Variants in EHBP1 observed in about 807,000 individuals in gnomAD.
The protein encoded by EHBP1 is EH domain binding protein 1.
A neutral mutation model predicts 144.0 loss-of-function variants in EHBP1; 55 were observed. The observed-to-expected ratio is 0.38, with a 90% CI of 0.31 to 0.48. The LOEUF (loss-of-function observed/expected upper bound fraction) is 0.48, where lower values mean the gene tolerates loss of function less well. Among genes scored for constraint, EHBP1 ranks in the 20% least tolerant of loss-of-function variants. The pLI is 0.98. For synonymous variants in EHBP1, 469 were observed against 472.7 expected (o/e 0.99, Z 0.10); for missense variants, 1,200 against 1,364.2 (o/e 0.88, Z 1.90).
At chr2:62,809,399 G>C (rs910075926) in intron 5 of EHBP1, among the ~76,000 whole-genome samples, 1 of 149,502 alleles carries the variant, frequency 6.7e-6, no homozygotes, top group African/African-American at 2.5e-5. Context: ...ATTTTCTACT[G>C]TGGTTACTGT....
At chr2:62,955,732 T>A in intron 14 of EHBP1, 72 bp downstream of exon 14, 1 of 1,506,964 alleles carries the variant, frequency 6.6e-7, no homozygotes, top group Non-Finnish European at 9.0e-7. Flanking sequence ...GTAATTTGCT[T>A]GTATTTCTGC....
At chr2:62,788,902 G>T (rs1189920901) in intron 5 of EHBP1, among the ~76,000 whole-genome samples, 1 of 152,194 alleles carries the variant, frequency 6.6e-6, no homozygotes, top group Non-Finnish European at 1.5e-5. Flanking sequence ...GAATAATTCT[G>T]TGTTACCATA....
At chr2:62,772,782 A>G (rs1253497662) in intron 5 of EHBP1, among the ~76,000 whole-genome samples, 2 of 152,270 alleles carry the variant, frequency 1.3e-5, no homozygotes, top group East Asian at 3.8e-4. Context: ...TAACAGGCTT[A>G]TCACATGCTT....
intron 10 of EHBP1, among the ~76,000 whole-genome samples, chr2:62,903,404 A>T (rs1025648255): frequency 6.6e-6 from 1 of 152,218 alleles, no homozygotes. Context: ...AGATTGTAAT[A>T]AAGGTTTTAA....
chr2:62,823,392 G>T (rs527421495), intron 5 of EHBP1, among the ~76,000 whole-genome samples: 1 of 151,690 alleles, frequency 6.6e-6, no homozygotes, highest in South Asian at 2.1e-4. Context: ...TCTCATTCTT[G>T]TTCTTTTGTC....
chr2:62,848,245 A>AT (rs1005062688), intron 7 of EHBP1, among the ~76,000 whole-genome samples: 10 of 150,412 alleles, frequency 6.6e-5, no homozygotes, highest in South Asian at 2.1e-4. Context: ...TGCCCAGCTA[A>AT]TTTTTTTTTG....
At chr2:62,977,210 C>G (rs189811093) in intron 14 of EHBP1, among the ~76,000 whole-genome samples, 1 of 151,774 alleles carries the variant, frequency 6.6e-6, no homozygotes, top group Non-Finnish European at 1.5e-5. Context: ...AAACAAAGCC[C>G]GGCAGTGGTC....
intron 2 of EHBP1, among the ~76,000 whole-genome samples, chr2:62,733,347 G>A (rs1052687086): frequency 1.3e-5 from 2 of 152,046 alleles, no homozygotes; most frequent in East Asian, 1.9e-4. Flanking sequence ...CTGTTGTCTT[G>A]TAGTTTCTCT....
chr2:62,889,362 A>G (rs189441363), intron 10 of EHBP1, among the ~76,000 whole-genome samples: 10 of 151,334 alleles, frequency 6.6e-5, no homozygotes, highest in Admixed American at 4.6e-4. Context: ...TGTTTACTCT[A>G]TTGATAGTTT....
chr2:62,900,896 A>G (rs1425512667), intron 10 of EHBP1, among the ~76,000 whole-genome samples: 1 of 152,098 alleles, frequency 6.6e-6, no homozygotes, highest in African/African-American at 2.4e-5. Context: ...ATTATTTTTT[A>G]TTATGAAGCA....
chr2:63,044,353 T>C (rs1187021127), intron 21 of EHBP1: 3 of 151,076 alleles, frequency 2.0e-5, no homozygotes, highest in African/African-American at 7.3e-5. Context: ...GAAAGAAATA[T>C]GTAATTTTTC....
intron 6 of EHBP1, among the ~76,000 whole-genome samples, chr2:62,828,779 T>C (rs985024154): frequency 6.6e-6 from 1 of 152,224 alleles, no homozygotes; most frequent in African/African-American, 2.4e-5. Context: ...CTCACTGTTT[T>C]TGAAACAAGT....
intron 10 of EHBP1, among the ~76,000 whole-genome samples, chr2:62,941,324 G>A (rs904073549): frequency 2.6e-5 from 4 of 152,064 alleles, no homozygotes; most frequent in Non-Finnish European, 5.9e-5. Context: ...TAAAGTAAAT[G>A]TAGTATATTG....
At chr2:63,024,207 G>A (rs181563607) in intron 19 of EHBP1, among the ~76,000 whole-genome samples, 77 of 152,284 alleles carry the variant, frequency 5.1e-4, no homozygotes, top group Non-Finnish European at 9.0e-4. Flanking sequence ...AGCCAGGCGT[G>A]GTGGCAGGTG....
intron 18 of EHBP1, 172 bp downstream of exon 18, chr2:62,994,149 T>A (rs918248286): frequency 5.0e-6 from 2 of 402,774 alleles, no homozygotes; most frequent in Non-Finnish European, 9.1e-6. Context: ...AGTGTGGTGA[T>A]AATTGTCAGA....
intron 10 of EHBP1, among the ~76,000 whole-genome samples, chr2:62,875,925 C>A (rs1167010974): frequency 2.0e-5 from 3 of 151,524 alleles, no homozygotes; most frequent in African/African-American, 7.3e-5. Flanking sequence ...CTCAGTCAGA[C>A]AAAAATACAG....
chr2:62,888,845 C>T (rs941174120), intron 10 of EHBP1, among the ~76,000 whole-genome samples: 1 of 152,054 alleles, frequency 6.6e-6, no homozygotes, highest in Non-Finnish European at 1.5e-5. Flanking sequence ...TGACAGAAGT[C>T]TTCCAAACTG....
At chr2:63,007,067 G>A (rs2060069129) in intron 19 of EHBP1, among the ~76,000 whole-genome samples, 1 of 151,764 alleles carries the variant, frequency 6.6e-6, no homozygotes, top group Admixed American at 6.6e-5. Flanking sequence ...ATTAATTATT[G>A]TAACTTTGGG....
chr2:63,001,207 A>G (rs1050393789), intron 19 of EHBP1, among the ~76,000 whole-genome samples: 2 of 152,174 alleles, frequency 1.3e-5, no homozygotes, highest in Admixed American at 6.6e-5. Flanking sequence ...TGTTTTATTT[A>G]CATTTTGAGA....
Sources: allele counts gnomAD v4.1 joint callset (sites outside exome capture counted in the v4.1 genomes callset), GRCh38; gene constraint gnomAD v4.1.1; transcripts MANE v1.5; gene names NCBI Gene and HGNC (gene_info 2026-07-23, HGNC 2026-07-21).